The following HECW1 variants were observed in gnomAD, a reference collection of about 807,000 sequenced individuals.
HECW1 encodes the protein E3 ubiquitin-protein ligase HECW1.
A neutral mutation model predicts 182.3 loss-of-function variants in HECW1; 61 were observed. That is an observed-to-expected ratio of 0.33 (90% confidence interval 0.27 to 0.41). HECW1 has a LOEUF of 0.41. Among genes scored for constraint, HECW1 ranks in the 10% least tolerant of loss-of-function variants. HECW1 has a pLI of 1.00. For synonymous variants in HECW1, 859 were observed against 832.6 expected, an observed-to-expected ratio of 1.03 and a Z score of -0.55; for missense variants, 1,739 against 2,108.9, an observed-to-expected ratio of 0.82 and a Z score of 3.44.
intron 7 of HECW1, among the ~76,000 whole-genome samples, chr7:43,399,769 A>C (rs375712580): frequency 1.5e-4 from 23 of 152,280 alleles, no homozygotes; most frequent in African/African-American, 5.3e-4. Flanking sequence ...CATTTATTCC[A>C]AGACAACCAT....
chr7:43,180,630 C>T lies in HECW1; in HGVS notation c.-31-63245C>T, dbSNP rs181277394. Among the ~76,000 whole-genome samples, 10 of 152,294 alleles carry T rather than the reference C, an allele frequency of 6.6e-5. No homozygotes were observed. In the East Asian group the frequency reaches 1.2e-3, roughly 18 times the overall value. On this transcript the variant is annotated intron_variant, in intron 2 of 29. Coordinates refer to ENST00000395891, the MANE Select transcript of HECW1 (RefSeq NM_015052.5). ...CAGGATGGTCTCGACCTCCTGACCT[C>T]GTGATCCACCCGCCTTGGCCTCCCA...
At chr7:43,357,821 T>C (rs888428529) in intron 5 of HECW1, among the ~76,000 whole-genome samples, 1 of 152,200 alleles carries the variant, frequency 6.6e-6, no homozygotes, top group Non-Finnish European at 1.5e-5. Flanking sequence ...ATTACATTCA[T>C]TTGATCTTTA....
At chr7:43,346,913 A>T (rs1050161471) in intron 5 of HECW1, among the ~76,000 whole-genome samples, 2 of 152,188 alleles carry the variant, frequency 1.3e-5, no homozygotes, top group African/African-American at 4.8e-5. Context: ...TATAGCTTGA[A>T]ATCAGGTAGT....
chr7:43,417,442 T>C (rs1248959680), intron 8 of HECW1, among the ~76,000 whole-genome samples: 1 of 152,236 alleles, frequency 6.6e-6, no homozygotes, highest in East Asian at 1.9e-4. Flanking sequence ...GTGGGCCTGG[T>C]GAGTCTAATC....
intron 2 of HECW1, among the ~76,000 whole-genome samples, chr7:43,165,819 TTCAA>T (rs1386950610): frequency 1.3e-5 from 2 of 152,240 alleles, no homozygotes; most frequent in African/African-American, 2.4e-5. Flanking sequence ...TATTTCTTAT[TTCAA>T]TCAGTCATGC....
At position 43,376,696 on chromosome 7, in the gene HECW1, C is replaced by A. The variant is rs558897272; in HGVS notation, c.555+15716C>A. On this transcript the variant is annotated intron_variant, in intron 6 of 29. Transcript: ENST00000395891. ...CCTGGCTGACATGGTGAAACCCCATCTCCACCAAAAATATAAAAAATTAGC... is the reference window on the plus strand; with the variant it reads ...CCTGGCTGACATGGTGAAACCCCATATCCACCAAAAATATAAAAAATTAGC... Among the ~76,000 whole-genome samples, 3 of 152,052 alleles carry A rather than the reference C, an allele frequency of 2.0e-5. No homozygotes were observed. In the South Asian group the frequency reaches 6.2e-4, roughly 32 times the overall value.
intron 8 of HECW1, among the ~76,000 whole-genome samples, chr7:43,409,396 G>A (rs928118869): frequency 2.6e-5 from 4 of 152,190 alleles, no homozygotes; most frequent in Non-Finnish European, 5.9e-5. Flanking sequence ...TGTATGGGGG[G>A]AAAGGCTTCT....
chr7:43,265,166 G>C (rs1801638002), intron 3 of HECW1, among the ~76,000 whole-genome samples: 1 of 152,144 alleles, frequency 6.6e-6, no homozygotes, highest in African/African-American at 2.4e-5. Flanking sequence ...GGTCGGGAGG[G>C]TAGCTCTGCT....
chr7:43,523,725 A>G (rs2080629380), intron 24 of HECW1, among the ~76,000 whole-genome samples: 1 of 150,784 alleles, frequency 6.6e-6, no homozygotes, highest in Admixed American at 6.6e-5. Flanking sequence ...CTTACTAATG[A>G]GAGAGGCGCC....
chr7:43,478,620 A>C (rs1386933671), intron 16 of HECW1, among the ~76,000 whole-genome samples: 8 of 152,200 alleles, frequency 5.3e-5, no homozygotes, highest in African/African-American at 1.9e-4. Flanking sequence ...ATAAAATTAT[A>C]GATCTTGATG....
chr7:43,255,751 A>C (rs11764763), intron 3 of HECW1, among the ~76,000 whole-genome samples: 64,086 of 151,934 alleles, frequency 0.42, 15,127 homozygotes, highest in African/African-American at 0.64. Flanking sequence ...TATTAACAGG[A>C]CTCCAGTTTA....
At chr7:43,309,873 C>T (rs1010511953) in intron 3 of HECW1, among the ~76,000 whole-genome samples, 49 of 152,148 alleles carry the variant, frequency 3.2e-4, no homozygotes, top group African/African-American at 1.1e-3. Flanking sequence ...GGTTTCCTTC[C>T]TAAAGCATTA....
At position 43,237,829 on chromosome 7, in the gene HECW1, CT is replaced by C. The variant is rs200062919; in HGVS notation, c.-31-6043del. Among the ~76,000 whole-genome samples the C allele has an allele frequency of 6.0e-3, 839 of 140,286 alleles. 12 individuals are homozygous for C. The highest frequency in any genetic ancestry group is 0.02 in the African/African-American group (654 of 33,418). 92.0% of individuals were successfully genotyped at this position (140,286 alleles called of 152,430 possible). On this transcript the variant is annotated intron_variant, in intron 2 of 29. Transcript: ENST00000395891. ...AGAGGCAGAAATGCAATTCACCAGT[CT>C]TTCCCCCCCGCCGCCCCCACTTGGA...
chr7:43,124,480 C>T (rs1332905742), intron 2 of HECW1, among the ~76,000 whole-genome samples: 1 of 152,222 alleles, frequency 6.6e-6, no homozygotes, highest in Non-Finnish European at 1.5e-5. Flanking sequence ...TGGTCCCATT[C>T]AACCCACTCA....
chr7:43,257,588 C>G (rs1800711617), intron 3 of HECW1, among the ~76,000 whole-genome samples: 1 of 152,094 alleles, frequency 6.6e-6, no homozygotes, highest in Non-Finnish European at 1.5e-5. Context: ...GCACCATCCT[C>G]TAGACCAAGC....
intron 2 of HECW1, among the ~76,000 whole-genome samples, chr7:43,235,099 C>T (rs1056774254): frequency 3.2e-4 from 49 of 152,304 alleles, no homozygotes; most frequent in Non-Finnish European, 6.5e-4. Context: ...CAGAGCACAC[C>T]TGGGGCTGGC....
rs546292701 is a variant in HECW1 at position 43,136,246 on chromosome 7, T to C, written c.-32+21855T>C. Among the ~76,000 whole-genome samples the C allele has an allele frequency of 3.3e-5, 5 of 152,344 alleles. No homozygotes were observed. The South Asian group carries it at 1.0e-3, about 32-fold the overall frequency. On this transcript the variant is annotated intron_variant, in intron 2 of 29. Transcript: ENST00000395891. The stretch of plus-strand genomic sequence containing the variant: ...GACCTTGCCAAATTTTAATGCTTAG[T>C]TGGCACTTATCTATTGAGGCATATC...
At chr7:43,301,779 G>A (rs1237704772) in intron 3 of HECW1, among the ~76,000 whole-genome samples, 1 of 151,820 alleles carries the variant, frequency 6.6e-6, no homozygotes, top group East Asian at 1.9e-4. Flanking sequence ...GGAGGCTGAA[G>A]CAGGAGAATC....
At chr7:43,403,024 A>G (rs568288205) in intron 7 of HECW1, among the ~76,000 whole-genome samples, 2 of 152,362 alleles carry the variant, frequency 1.3e-5, no homozygotes, top group South Asian at 2.1e-4. Flanking sequence ...ATTAAATGCT[A>G]TATACTCTTA....
Sources: gnomAD v4.1 joint callset for allele counts (sites outside exome capture counted in the v4.1 genomes callset) on GRCh38, gnomAD v4.1.1 for gene constraint, MANE v1.5 for transcripts, NCBI Gene and HGNC (gene_info 2026-07-23, HGNC 2026-07-21) for gene names.